KIAA0825: variants seen among roughly 807,000 people sequenced by gnomAD.
KIAA0825 encodes KIAA0825, also known as uncharacterized protein KIAA0825.
A neutral mutation model predicts 147.6 loss-of-function variants in KIAA0825; 119 were observed. The ratio of observed to expected loss-of-function variants is 0.81; its 90% confidence interval spans 0.69 to 0.94. The LOEUF is 0.94. KIAA0825 is among the 40% of genes least tolerant of loss of function. KIAA0825 has a pLI of 0.00. For synonymous variants in KIAA0825, 470 were observed against 518.1 expected (o/e 0.91, Z 1.26); for missense variants, 1,381 against 1,472.7 (o/e 0.94, Z 1.02).
chr5:94,157,253 C>A (rs1767122252), intron 20 of KIAA0825, among the ~76,000 whole-genome samples: 1 of 152,056 alleles, frequency 6.6e-6, no homozygotes, highest in Admixed American at 6.6e-5. Flanking sequence ...CCCCACCTGC[C>A]TACTATTATA....
At chr5:94,586,787 T>A (rs1004645517) in intron 1 of KIAA0825, among the ~76,000 whole-genome samples, 12 of 151,986 alleles carry the variant, frequency 7.9e-5, no homozygotes, top group Admixed American at 6.6e-4. Flanking sequence ...AATGCAAAAA[T>A]CCTCAATAAA....
At position 94,233,908 on chromosome 5, in the gene KIAA0825, G is replaced by T. The variant is rs1583929971; in HGVS notation, c.3711-79784C>A. Among the ~76,000 whole-genome samples the T allele has an allele frequency of 2.0e-5, 3 of 152,186 alleles. No individual in the cohort carries two copies. The South Asian group carries it at 6.2e-4, about 32-fold the overall frequency. On this transcript the variant is annotated intron_variant, in intron 20 of 20. Coordinates refer to ENST00000682413, the MANE Select transcript of KIAA0825 (RefSeq NM_001145678.3). ...GTGCTTTGCTTTATTGTGCTCCACA[G>T]ATATTGCATTTTTGTTTTTATCTAA...
chr5:94,304,089 T>C (rs1053923687), intron 20 of KIAA0825, among the ~76,000 whole-genome samples: 1 of 152,058 alleles, frequency 6.6e-6, no homozygotes, highest in Non-Finnish European at 1.5e-5. Flanking sequence ...TTATTAATTA[T>C]TAAGTTTGCA....
intron 1 of KIAA0825, chr5:94,593,055 T>G: frequency 2.9e-6 from 2 of 692,812 alleles, no homozygotes; most frequent in Non-Finnish European, 5.4e-6. Context: ...GAGACCATTC[T>G]CAATTTCTTA....
chr5:94,391,024 A>G (rs1354290301), intron 18 of KIAA0825, among the ~76,000 whole-genome samples: 1 of 152,244 alleles, frequency 6.6e-6, no homozygotes, highest in Non-Finnish European at 1.5e-5. Context: ...ATAGAAAGGC[A>G]TAACATTGGT....
intron 14 of KIAA0825, among the ~76,000 whole-genome samples, chr5:94,423,276 C>T (rs1241635289): frequency 6.6e-6 from 1 of 152,148 alleles, no homozygotes; most frequent in East Asian, 1.9e-4. Flanking sequence ...CAGATTTTAC[C>T]AGTAAAAATC....
In KIAA0825 at chr5:94,550,638, C is replaced by T. The variant is rs191838916; in HGVS notation, c.-1-13511G>A. ...CAGGCGGATCACGAGGTCAGGAGAC[C>T]GAGGCCATCCTGGCTAACACAGTGA... On this transcript the variant is annotated intron_variant, in intron 2 of 20. Coordinates refer to ENST00000682413, the MANE Select transcript of KIAA0825 (RefSeq NM_001145678.3). Among the ~76,000 whole-genome samples the T allele has an allele frequency of 1.8e-3, 280 of 152,142 alleles. 1 individual carries two copies. The highest frequency in any genetic ancestry group is 6.0e-3 in the African/African-American group (247 of 41,500).
intron 1 of KIAA0825, among the ~76,000 whole-genome samples, chr5:94,591,738 G>A (rs1038553994): frequency 6.6e-5 from 10 of 152,152 alleles, no homozygotes; most frequent in Admixed American, 5.9e-4. Context: ...AGAAATACCC[G>A]AGACTGGGTA....
intron 20 of KIAA0825, among the ~76,000 whole-genome samples, chr5:94,218,928 GTCTTATTTA>G (rs1410993896): frequency 6.6e-6 from 1 of 151,978 alleles, no homozygotes; most frequent in East Asian, 1.9e-4. Context: ...CAGCTTTGGG[GTCTTATTTA>G]TGTGCTTATC....
At chr5:94,523,009 G>C (rs977570548) in intron 4 of KIAA0825, among the ~76,000 whole-genome samples, 9 of 151,548 alleles carry the variant, frequency 5.9e-5, no homozygotes, top group Non-Finnish European at 1.0e-4. Flanking sequence ...TGGGTGAGAG[G>C]TTTCCTTAAA....
intron 20 of KIAA0825, among the ~76,000 whole-genome samples, chr5:94,360,143 G>A (rs758087500): frequency 2.6e-5 from 4 of 152,120 alleles, no homozygotes; most frequent in African/African-American, 7.2e-5. Context: ...CTCACGACAT[G>A]TGAATTAGGT....
intron 20 of KIAA0825, among the ~76,000 whole-genome samples, chr5:94,284,625 T>C (rs192697627): frequency 3.4e-4 from 52 of 152,268 alleles, no homozygotes; most frequent in Admixed American, 2.1e-3. Context: ...CAGTCTGGAA[T>C]TGATACAAGT....
intron 1 of KIAA0825, among the ~76,000 whole-genome samples, chr5:94,609,010 C>T (rs1453726708): frequency 6.6e-6 from 1 of 151,916 alleles, no homozygotes; most frequent in African/African-American, 2.4e-5. Flanking sequence ...ACAAAATAGA[C>T]CAAGGGATTT....
chr5:94,155,537 TC>T, intron 20 of KIAA0825, among the ~76,000 whole-genome samples: 1 of 152,144 alleles, frequency 6.6e-6, no homozygotes, highest in Non-Finnish European at 1.5e-5. Context: ...CATACTAGTT[TC>T]CTTTTTGGAG....
At chr5:94,260,207 A>T (rs1285250448) in intron 20 of KIAA0825, among the ~76,000 whole-genome samples, 10 of 152,126 alleles carry the variant, frequency 6.6e-5, no homozygotes, top group Admixed American at 5.9e-4. Flanking sequence ...AATTACAATG[A>T]GGGAAGTGTA....
At chr5:94,410,359 ACG>A (rs1752604376) in intron 15 of KIAA0825, among the ~76,000 whole-genome samples, 1 of 152,186 alleles carries the variant, frequency 6.6e-6, no homozygotes, top group African/African-American at 2.4e-5. Context: ...TGTAATATAC[ACG>A]AAATTGAGTC....
At chr5:94,383,106 G>A (rs764860399) in intron 20 of KIAA0825, among the ~76,000 whole-genome samples, 13 of 152,158 alleles carry the variant, frequency 8.5e-5, no homozygotes, top group Non-Finnish European at 1.8e-4. Flanking sequence ...CTTTGGGACA[G>A]TATAGGTGCA....
In KIAA0825 at chr5:94,237,934, T is replaced by C. The variant is rs532801262; in HGVS notation, c.3711-83810A>G. Reference sequence around the variant, plus strand: ...TCTGTATTCACTGGATTTCATTTAATATCAATATCTAACAGAGCTCATTAC... The same window carrying C: ...TCTGTATTCACTGGATTTCATTTAACATCAATATCTAACAGAGCTCATTAC... On this transcript the variant is annotated intron_variant, in intron 20 of 20. Coordinates refer to ENST00000682413, the MANE Select transcript of KIAA0825 (RefSeq NM_001145678.3). Among the ~76,000 whole-genome samples, 5 of 152,324 alleles carry C rather than the reference T, an allele frequency of 3.3e-5. No individual in the cohort carries two copies. The South Asian group carries it at 1.0e-3, about 32-fold the overall frequency.
intron 14 of KIAA0825, 110 bp from the exon 15 acceptor site, chr5:94,417,475 A>G (rs1753615654): frequency 2.2e-5 from 18 of 821,920 alleles, no homozygotes; most frequent in Non-Finnish European, 3.2e-5. Context: ...ATGGTTTTTA[A>G]TAAGATTTAC....
Sources: gnomAD v4.1 joint callset for allele counts (sites outside exome capture counted in the v4.1 genomes callset) on GRCh38, gnomAD v4.1.1 for gene constraint, MANE v1.5 for transcripts, NCBI Gene and HGNC (gene_info 2026-07-23, HGNC 2026-07-21) for gene names.